The following DNAJC1 variants were observed in gnomAD, a reference collection of about 807,000 sequenced individuals.
DNAJC1 encodes DnaJ heat shock protein family (Hsp40) member C1, also known as dnaJ homolog subfamily C member 1.
In DNAJC1, 58 loss-of-function variants were observed where a neutral mutation model predicts 76.6. The observed-to-expected ratio is 0.76, with a 90% CI of 0.61 to 0.94. The LOEUF (loss-of-function observed/expected upper bound fraction) is 0.94. Among genes scored for constraint, DNAJC1 ranks in the 40% least tolerant of loss-of-function variants. DNAJC1 has a pLI of 0.00. For synonymous variants in DNAJC1, 258 were observed against 267.9 expected, an observed-to-expected ratio of 0.96 and a Z score of 0.36; for missense variants, 689 against 677.3, an observed-to-expected ratio of 1.02 and a Z score of -0.19.
intron 7 of DNAJC1, among the ~76,000 whole-genome samples, chr10:21,887,220 CAAAT>C (rs1220410041): frequency 6.6e-6 from 1 of 151,922 alleles, no homozygotes; most frequent in Admixed American, 6.6e-5. Context: ...TTACAAAACT[CAAAT>C]AAAGAAATCA....
chr10:21,778,933 A>G (rs1236812283), intron 9 of DNAJC1, among the ~76,000 whole-genome samples: 2 of 152,356 alleles, frequency 1.3e-5, no homozygotes, highest in African/African-American at 4.8e-5. Flanking sequence ...AGCAAACGGC[A>G]CACCAGGAGA....
At chr10:21,837,640 A>G (rs2793354) in intron 8 of DNAJC1, among the ~76,000 whole-genome samples, 117,113 of 149,494 alleles carry the variant, frequency 0.78, 46,543 homozygotes, top group East Asian at 0.98. Flanking sequence ...CCCGGCAGCC[A>G]CCCTGTCTAG....
chr10:21,987,643 T>A (rs1243321529), intron 1 of DNAJC1, among the ~76,000 whole-genome samples: 2 of 152,220 alleles, frequency 1.3e-5, no homozygotes, highest in African/African-American at 4.8e-5. Context: ...TAATTTCCCA[T>A]TTATAACCTT....
At chr10:21,982,360 T>C (rs117210171) in intron 1 of DNAJC1, among the ~76,000 whole-genome samples, 2,790 of 152,076 alleles carry the variant, frequency 0.018, 35 homozygotes, top group Middle Eastern at 0.082. Context: ...TTTTTTGATA[T>C]GACAGAGGTA....
intron 1 of DNAJC1, among the ~76,000 whole-genome samples, chr10:21,956,671 A>C (rs1204610150): frequency 6.6e-6 from 1 of 151,436 alleles, no homozygotes; most frequent in Non-Finnish European, 1.5e-5. Flanking sequence ...AAGCCACTAT[A>C]ATTTTTTGCC....
chr10:21,825,676 G>A (rs1485466293), intron 8 of DNAJC1, among the ~76,000 whole-genome samples: 3 of 152,164 alleles, frequency 2.0e-5, no homozygotes, highest in Non-Finnish European at 4.4e-5. Context: ...TTTTCTCCAT[G>A]CCTTCACATT....
At chr10:22,002,599 G>A (rs1215287841) in intron 1 of DNAJC1, among the ~76,000 whole-genome samples, 1 of 152,120 alleles carries the variant, frequency 6.6e-6, no homozygotes, top group Non-Finnish European at 1.5e-5. Context: ...AATTCCTCCA[G>A]ATTTCTAAAC....
chr10:21,948,878 A>T (rs1464940605), intron 1 of DNAJC1, among the ~76,000 whole-genome samples: 2 of 152,202 alleles, frequency 1.3e-5, no homozygotes, highest in African/African-American at 4.8e-5. Flanking sequence ...TCTCAGCTTC[A>T]TGCTTCACTC....
intron 1 of DNAJC1, among the ~76,000 whole-genome samples, chr10:21,944,698 T>C (rs960423524): frequency 6.6e-6 from 1 of 152,200 alleles, no homozygotes; most frequent in Non-Finnish European, 1.5e-5. Context: ...TGTAAAAAAA[T>C]GTTATTAGTC....
Position 21,821,563 on chromosome 10 carries a change from G to C in DNAJC1, c.979-15464C>G, listed in dbSNP as rs7085638. Among the ~76,000 whole-genome samples, 1,259 of 152,100 alleles carry C rather than the reference G, an allele frequency of 8.3e-3. 22 individuals are homozygous for C. The highest frequency in any genetic ancestry group is 0.029 in the African/African-American group (1,194 of 41,554). ...AGAAAATCGATGGGAAGCCTACCAG[G>C]CCACTTTGGAGGTAGGAAAATAAAA... is the stretch of plus-strand genomic sequence containing the variant. On this transcript the variant is annotated intron_variant, in intron 8 of 11. Transcript: ENST00000376980.
intron 6 of DNAJC1, among the ~76,000 whole-genome samples, chr10:21,916,855 G>A (rs1002544675): frequency 2.0e-5 from 3 of 152,026 alleles, no homozygotes; most frequent in African/African-American, 7.2e-5. Flanking sequence ...ATATTTGAAA[G>A]AGTCTACTGC....
chr10:21,826,016 C>T (rs915072194), intron 8 of DNAJC1, among the ~76,000 whole-genome samples: 4 of 152,066 alleles, frequency 2.6e-5, no homozygotes, highest in African/African-American at 9.7e-5. Flanking sequence ...GCAGGCAGAT[C>T]GCCAGAGGTC....
chr10:21,940,771 A>C (rs1246701442), intron 1 of DNAJC1, among the ~76,000 whole-genome samples: 2 of 152,164 alleles, frequency 1.3e-5, no homozygotes, highest in Non-Finnish European at 2.9e-5. Flanking sequence ...TACTGGGGGA[A>C]TTGAGTTGGC....
chr10:21,764,238 T>G (rs763200867), intron 10 of DNAJC1, among the ~76,000 whole-genome samples: 12 of 152,114 alleles, frequency 7.9e-5, no homozygotes, highest in Non-Finnish European at 1.6e-4. Context: ...GTGTACGGAG[T>G]GAAAAAATGT....
intron 8 of DNAJC1, among the ~76,000 whole-genome samples, chr10:21,840,116 C>G (rs187185068): frequency 2.0e-5 from 3 of 152,136 alleles, no homozygotes; most frequent in East Asian, 1.9e-4. Context: ...ATAATAAGAG[C>G]TATCTATGAC....
chr10:21,860,428 C>T (rs900547177), intron 8 of DNAJC1, among the ~76,000 whole-genome samples: 1 of 152,118 alleles, frequency 6.6e-6, no homozygotes, highest in Non-Finnish European at 1.5e-5. Context: ...CGCGGTGGCT[C>T]ATGCCTGTAA....
chr10:21,800,974 A>G (rs930045621), intron 9 of DNAJC1, among the ~76,000 whole-genome samples: 8 of 152,184 alleles, frequency 5.3e-5, no homozygotes, highest in South Asian at 2.1e-4. Context: ...GTAAAAACAT[A>G]TAAGTATGGA....
At chr10:21,928,909 A>T (rs1040697889) in intron 2 of DNAJC1, 131 bp downstream of exon 2, 32 of 600,030 alleles carry the variant, frequency 5.3e-5, no homozygotes, top group Middle Eastern at 4.6e-4. Flanking sequence ...CTTGAAAAAA[A>T]ATATACACTA....
chr10:21,930,931 T>C (rs1252358291), intron 1 of DNAJC1, among the ~76,000 whole-genome samples: 1 of 152,220 alleles, frequency 6.6e-6, no homozygotes, highest in African/African-American at 2.4e-5. Context: ...ATAATAGCTA[T>C]GTATTTTCTA....
Sources: allele counts gnomAD v4.1 joint callset (sites outside exome capture counted in the v4.1 genomes callset), GRCh38; gene constraint gnomAD v4.1.1; transcripts MANE v1.5; gene names NCBI Gene and HGNC (gene_info 2026-07-23, HGNC 2026-07-21).